The following NOP9 variants were observed in gnomAD, a reference collection of about 807,000 sequenced individuals.
NOP9 encodes NOP9 nucleolar protein, also known as nucleolar protein 9.
In NOP9, 50 loss-of-function variants were observed where a neutral mutation model predicts 63.0. The ratio of observed to expected loss-of-function variants is 0.79; its 90% CI spans 0.63 to 1.00. NOP9 has a LOEUF of 1.00. Among genes scored for constraint, NOP9 ranks in the 50% least tolerant of loss-of-function variants. NOP9 has a pLI of 0.00. For missense variants in NOP9, 758 were observed against 803.0 expected (o/e 0.94, Z 0.68); for synonymous variants, 343 against 332.8 (o/e 1.03, Z -0.33).
chr14:24,296,718 G>A, upstream of NOP9: 1 of 1,614,122 alleles, frequency 6.2e-7, no homozygotes, highest in Non-Finnish European at 8.5e-7. Context: ...GTGGAGTTGG[G>A]AACAAAGTTC....
the NOP9 span, chr14:24,294,047 G>A: frequency 6.6e-6 from 1 of 152,090 alleles, no homozygotes; most frequent in Non-Finnish European, 1.5e-5. Flanking sequence ...GGGGAATTGG[G>A]TCTCTGCCTC....
At chr14:24,284,977 T>G in the NOP9 span, among the ~76,000 whole-genome samples, 1 of 152,170 alleles carries the variant, frequency 6.6e-6, no homozygotes, top group Non-Finnish European at 1.5e-5. Flanking sequence ...CAGGAGCTGA[T>G]GGAAACTCCT....
At position 24,300,095 on chromosome 14, in the gene NOP9, G is replaced by A. The variant is rs768214653; in HGVS notation, c.141G>A (p.Ser47=). Residue 47 remains serine, a synonymous_variant, in exon 1 of 10, where the codon TCG becomes TCA. Coordinates refer to ENST00000267425, the MANE Select transcript of NOP9 (RefSeq NM_174913.3). ...RQPWPPPDGR[S]EPAPDSHPHL... is the part of the protein sequence containing the mutation. ...CCTGGCCGCCTCCGGATGGGCGCTC[G>A]GAGCCGGCTCCAGATTCGCACCCGC... 1.2e-6 allele frequency: 2 copies of A among 1,613,154 alleles called. No individual in the cohort carries two copies. Among genetic ancestry groups the A allele is most frequent in the African/African-American group, 1.3e-5 (1 of 74,932 alleles).
At chr14:24,281,173 G>T in the NOP9 span, among the ~76,000 whole-genome samples, 59 of 152,316 alleles carry the variant, frequency 3.9e-4, no homozygotes, top group African/African-American at 1.4e-3. Flanking sequence ...TGGCAGCCCT[G>T]TTGGGAAATT....
chr14:24,291,352 T>C, the NOP9 span: 1 of 1,139,492 alleles, frequency 8.8e-7, no homozygotes, highest in Non-Finnish European at 1.3e-6. Flanking sequence ...CTCTTGGGCC[T>C]TGGACTTTTT....
the NOP9 span, among the ~76,000 whole-genome samples, chr14:24,280,184 G>A: frequency 2.0e-5 from 3 of 152,170 alleles, no homozygotes; most frequent in Admixed American, 1.3e-4. Flanking sequence ...CTGTTTAATC[G>A]AACTTTCTGG....
chr14:24,273,415 G>A, the NOP9 span, among the ~76,000 whole-genome samples: 1 of 152,286 alleles, frequency 6.6e-6, no homozygotes, highest in Admixed American at 6.5e-5. Context: ...CTGACTTCAG[G>A]TGATCTGCCC....
At chr14:24,276,527 G>A in the NOP9 span, among the ~76,000 whole-genome samples, 1 of 152,120 alleles carries the variant, frequency 6.6e-6, no homozygotes, top group Admixed American at 6.5e-5. Context: ...TGGCCTCCAA[G>A]CAATCATCCT....
the NOP9 span, chr14:24,293,958 A>G: frequency 6.6e-6 from 1 of 152,276 alleles, no homozygotes; most frequent in South Asian, 2.1e-4. Flanking sequence ...GTGAGAACGC[A>G]ATGTATTACG....
upstream of NOP9, chr14:24,298,986 G>A (rs565891970): frequency 1.7e-5 from 27 of 1,612,992 alleles, no homozygotes; most frequent in East Asian, 4.5e-5. Flanking sequence ...AGGGTGTCCA[G>A]ATGGCGGCCA....
upstream of NOP9, among the ~76,000 whole-genome samples, chr14:24,295,387 C>T (rs1234832829): frequency 1.3e-5 from 2 of 152,100 alleles, no homozygotes; most frequent in Non-Finnish European, 2.9e-5. Flanking sequence ...GAATTAGGAC[C>T]TTCCAAATGA....
upstream of NOP9, chr14:24,296,888 T>A: frequency 6.2e-7 from 1 of 1,613,644 alleles, no homozygotes; most frequent in East Asian, 2.2e-5. Context: ...GTGCCTGGAG[T>A]AGGACAGGGG....
the NOP9 span, chr14:24,293,592 A>ATAAATAAATAAAT: frequency 1.3e-5 from 2 of 151,610 alleles, no homozygotes; most frequent in Non-Finnish European, 2.9e-5. Flanking sequence ...AAATAAATAA[A>ATAAATAAATAAAT]AAGAAAGAGA....
At chr14:24,271,313 G>A in the NOP9 span, 1 of 562,358 alleles carries the variant, frequency 1.8e-6, no homozygotes, top group Non-Finnish European at 2.9e-6. Flanking sequence ...CACAAGAGGT[G>A]AGCACCCGGA....
intron 6 of NOP9, 28 bp from the exon 7 acceptor site, chr14:24,303,704 G>T (rs774987469): frequency 5.0e-6 from 8 of 1,603,392 alleles, no homozygotes; most frequent in South Asian, 1.1e-5. Flanking sequence ...AAGTTCTCAG[G>T]TTCATCATAT....
chr14:24,299,890 G>T lies in NOP9; in HGVS notation c.-65G>T. The T allele has an allele frequency of 6.7e-7, 1 of 1,491,864 alleles. No individual in the cohort carries two copies. The allele number at this position is 1,491,864 out of a possible 1,614,324, so 92.4% of individuals were successfully genotyped here. Reference sequence around the variant, plus strand: ...CTTTGTCTGGATAAGGCGCACGCTTGGCGACGTCGAAGGTCCGTCCGCAGT... The same window carrying T: ...CTTTGTCTGGATAAGGCGCACGCTTTGCGACGTCGAAGGTCCGTCCGCAGT... On this transcript the variant is annotated 5_prime_UTR_variant, in exon 1 of 10. Coordinates refer to ENST00000267425, the MANE Select transcript of NOP9 (RefSeq NM_174913.3).
At position 24,300,732 on chromosome 14, in the gene NOP9, G is replaced by A; in HGVS notation, c.572G>A (p.Cys191Tyr). Residue 191 changes from cysteine (C) to tyrosine (Y), a missense_variant, in exon 2 of 10, where the codon TGT becomes TAT. Coordinates refer to ENST00000267425, the MANE Select transcript of NOP9 (RefSeq NM_174913.3). Reference sequence around the variant, plus strand: ...GTCCTGGGACTAGCCGCTGAGGTGTGTGATGATTTTCTTGTCTACTGTGGA... The same window carrying A: ...GTCCTGGGACTAGCCGCTGAGGTGTATGATGATTTTCTTGTCTACTGTGGA... Reference protein sequence around the residue: ...ELVLGLAAEVCDDFLVYCGDT... With the variant: ...ELVLGLAAEVYDDFLVYCGDT... 1 of 1,614,160 alleles carries A rather than the reference G, an allele frequency of 6.2e-7. No individual in the cohort carries two copies. Among genetic ancestry groups the A allele is most frequent in the South Asian group, 1.1e-5 (1 of 91,080 alleles).
chr14:24,299,031 G>T (rs751055899), upstream of NOP9: 1 of 1,614,110 alleles, frequency 6.2e-7, no homozygotes, highest in South Asian at 1.1e-5. Flanking sequence ...TTGCAGAGCT[G>T]CAAGGCAATG....
the NOP9 span, among the ~76,000 whole-genome samples, chr14:24,289,894 C>T: frequency 7.9e-5 from 12 of 152,338 alleles, no homozygotes; most frequent in Non-Finnish European, 4.4e-5. Context: ...AAGACTTCTG[C>T]CAATCTTGTG....
Sources: allele counts gnomAD v4.1 joint callset (sites outside exome capture counted in the v4.1 genomes callset), GRCh38; gene constraint gnomAD v4.1.1; transcripts MANE v1.5; gene names NCBI Gene and HGNC (gene_info 2026-07-23, HGNC 2026-07-21).